AGBL4: variants seen among roughly 807,000 people sequenced by gnomAD.
The protein encoded by AGBL4 is cytosolic carboxypeptidase 6.
Under a neutral mutation model 66.4 loss-of-function variants are expected in AGBL4, and 58 were observed. The ratio of observed to expected loss-of-function variants is 0.87; its 90% CI spans 0.71 to 1.09. The LOEUF (loss-of-function observed/expected upper bound fraction) is 1.09. Among genes scored for constraint, AGBL4 ranks in the 50% least tolerant of loss-of-function variants. The pLI is 0.00. For missense variants in AGBL4, 579 were observed against 631.0 expected (o/e 0.92, Z 0.88); for synonymous variants, 234 against 222.9 (o/e 1.05, Z -0.44).
chr1:48,748,219 G>A (rs1357077934), intron 6 of AGBL4, among the ~76,000 whole-genome samples: 1 of 152,186 alleles, frequency 6.6e-6, no homozygotes, highest in Non-Finnish European at 1.5e-5. Flanking sequence ...AGCTGGGTAG[G>A]AGGATCCCCC....
intron 5 of AGBL4, among the ~76,000 whole-genome samples, chr1:48,985,995 TATA>T (rs1169443119): frequency 6.6e-6 from 1 of 152,068 alleles, no homozygotes; most frequent in African/African-American, 2.4e-5. Flanking sequence ...TAGATAAAAT[TATA>T]ATATCTGAGA....
chr1:49,390,563 A>G (rs1644823973), intron 3 of AGBL4, among the ~76,000 whole-genome samples: 2 of 152,250 alleles, frequency 1.3e-5, no homozygotes, highest in Admixed American at 6.5e-5. Flanking sequence ...AGCATAAAAT[A>G]GGTATAGCTT....
chr1:49,323,448 ATTT>A (rs11295329), intron 3 of AGBL4, among the ~76,000 whole-genome samples: 8 of 114,850 alleles, frequency 7.0e-5, no homozygotes, highest in Admixed American at 9.0e-5. Flanking sequence ...TGCCTGGCTA[ATTT>A]TTTTTTTTTT....
chr1:49,362,223 C>A (rs191293491), intron 3 of AGBL4, among the ~76,000 whole-genome samples: 1 of 152,164 alleles, frequency 6.6e-6, no homozygotes, highest in East Asian at 1.9e-4. Context: ...ATGTGGGTTT[C>A]ATCTGGAAAA....
rs12048117 is a variant in AGBL4, at chr1:49,634,158, G to A, written c.282+63155C>T. Among the ~76,000 whole-genome samples the A allele has an allele frequency of 7.0e-4, 107 of 151,900 alleles. 2 individuals carry two copies. The East Asian group carries it at 0.019, about 26-fold the overall frequency. On this transcript the variant is annotated intron_variant, in intron 3 of 13. Coordinates refer to ENST00000371839, the MANE Select transcript of AGBL4 (RefSeq NM_032785.4). ...TATACAGGCGCCATGGTGGTTTGCT[G>A]CACCTATCAAACCATCATCTACATT...
At chr1:49,649,417 A>G (rs1167370448) in intron 3 of AGBL4, among the ~76,000 whole-genome samples, 1 of 152,196 alleles carries the variant, frequency 6.6e-6, no homozygotes, top group Non-Finnish European at 1.5e-5. Flanking sequence ...TCAAGAAAAC[A>G]TAACAACCCT....
chr1:49,700,209 G>A (rs1367978065), intron 2 of AGBL4, among the ~76,000 whole-genome samples: 1 of 150,924 alleles, frequency 6.6e-6, no homozygotes, highest in Non-Finnish European at 1.5e-5. Flanking sequence ...AGACAACATA[G>A]ACTATAAATC....
At chr1:48,653,769 G>A in intron 7 of AGBL4, among the ~76,000 whole-genome samples, 1 of 152,120 alleles carries the variant, frequency 6.6e-6, no homozygotes, top group South Asian at 2.1e-4. Flanking sequence ...AGCCCACCTA[G>A]TTTCATCACA....
intron 3 of AGBL4, among the ~76,000 whole-genome samples, chr1:49,282,473 A>C (rs1644296005): frequency 1.3e-5 from 2 of 152,202 alleles, no homozygotes; most frequent in African/African-American, 2.4e-5. Context: ...AATGCTCTTA[A>C]AACAATGGAG....
chr1:48,916,930 G>A (rs1247108138), intron 5 of AGBL4, among the ~76,000 whole-genome samples: 1 of 152,106 alleles, frequency 6.6e-6, no homozygotes, highest in Non-Finnish European at 1.5e-5. Flanking sequence ...TGTAGAATTA[G>A]CAGCAATTTA....
chr1:49,614,159 C>A (rs545915080), intron 3 of AGBL4, among the ~76,000 whole-genome samples: 1 of 151,900 alleles, frequency 6.6e-6, no homozygotes, highest in South Asian at 2.1e-4. Context: ...GTATATGTAC[C>A]CCTCATTTCA....
At chr1:49,884,635 A>G (rs1647817508) in intron 1 of AGBL4, among the ~76,000 whole-genome samples, 1 of 151,860 alleles carries the variant, frequency 6.6e-6, no homozygotes, top group African/African-American at 2.4e-5. Flanking sequence ...TAGAGACAGA[A>G]TAACACAATG....
At chr1:48,778,538 A>C (rs565088060) in intron 6 of AGBL4, among the ~76,000 whole-genome samples, 57 of 152,350 alleles carry the variant, frequency 3.7e-4, no homozygotes, top group African/African-American at 1.3e-3. Context: ...ATTTTTAAAA[A>C]TTCATCTTAA....
At chr1:49,810,031 T>G (rs1557469135) in intron 2 of AGBL4, among the ~76,000 whole-genome samples, 1 of 152,214 alleles carries the variant, frequency 6.6e-6, no homozygotes, top group Non-Finnish European at 1.5e-5. Flanking sequence ...AAAACAATCA[T>G]AATTATCATT....
chr1:48,633,443 G>A (rs2148413414), intron 9 of AGBL4, among the ~76,000 whole-genome samples: 1 of 152,276 alleles, frequency 6.6e-6, no homozygotes, highest in East Asian at 1.9e-4. Flanking sequence ...CCTGACAGCA[G>A]TCATGGGTCA....
chr1:48,665,815 A>G (rs1389929741), intron 6 of AGBL4, among the ~76,000 whole-genome samples: 5 of 152,194 alleles, frequency 3.3e-5, no homozygotes, highest in African/African-American at 1.2e-4. Context: ...ACTGTCTAAC[A>G]CTGACCCCAT....
intron 9 of AGBL4, among the ~76,000 whole-genome samples, chr1:48,624,312 A>G (rs1431875949): frequency 6.6e-6 from 1 of 152,232 alleles, no homozygotes; most frequent in Non-Finnish European, 1.5e-5. Context: ...GGGATGTTTC[A>G]GTGCTGTCTT....
chr1:49,916,779 T>C (rs2148226002), intron 1 of AGBL4, among the ~76,000 whole-genome samples: 1 of 152,218 alleles, frequency 6.6e-6, no homozygotes, highest in Non-Finnish European at 1.5e-5. Context: ...GGACACATAA[T>C]TATCAGATTC....
At chr1:49,715,218 T>C (rs1571390511) in intron 2 of AGBL4, among the ~76,000 whole-genome samples, 2 of 152,170 alleles carry the variant, frequency 1.3e-5, no homozygotes, top group Admixed American at 1.3e-4. Context: ...ATGTGGTGTT[T>C]GGTTTTCTGT....
Sources: gnomAD v4.1 joint callset for allele counts (sites outside exome capture counted in the v4.1 genomes callset) on GRCh38, gnomAD v4.1.1 for gene constraint, MANE v1.5 for transcripts, NCBI Gene and HGNC (gene_info 2026-07-23, HGNC 2026-07-21) for gene names.